Variants in FHIT observed in about 807,000 individuals in gnomAD.
FHIT encodes bis(5'-adenosyl)-triphosphatase.
FHIT carries 19 observed loss-of-function variants against 17.9 expected under a neutral mutation model. The observed-to-expected ratio is 1.06, with a 90% CI of 0.74 to 1.56. FHIT has a LOEUF of 1.56. Ranked by LOEUF, FHIT falls within the 40% of genes most tolerant of loss-of-function variation. The pLI, the probability that FHIT is intolerant of heterozygous loss-of-function variation, is 0.00. For synonymous variants in FHIT, 81 were observed against 69.7 expected, an observed-to-expected ratio of 1.16 and a Z score of -0.81; for missense variants, 248 against 189.2, an observed-to-expected ratio of 1.31 and a Z score of -1.82.
chr3:60,130,851 G>A (rs182621225), intron 5 of FHIT, among the ~76,000 whole-genome samples: 27 of 137,570 alleles, frequency 2.0e-4, no homozygotes, highest in Non-Finnish European at 3.6e-4. Context: ...ACACATACAT[G>A]TGTATACATG....
intron 4 of FHIT, among the ~76,000 whole-genome samples, chr3:60,766,137 A>G (rs1553721384): frequency 2.6e-5 from 4 of 152,206 alleles, no homozygotes; most frequent in African/African-American, 7.2e-5. Flanking sequence ...CCTTATATAT[A>G]TACATACATA....
intron 3 of FHIT, among the ~76,000 whole-genome samples, chr3:61,017,509 T>G (rs1178903481): frequency 6.6e-6 from 1 of 152,154 alleles, no homozygotes; most frequent in Non-Finnish European, 1.5e-5. Flanking sequence ...TTCAGGACAA[T>G]TTTGTTTTTC....
At chr3:61,222,101 A>G (rs1285750545) in intron 1 of FHIT, among the ~76,000 whole-genome samples, 1 of 152,184 alleles carries the variant, frequency 6.6e-6, no homozygotes, top group Non-Finnish European at 1.5e-5. Context: ...TGAACTCTCC[A>G]TCTGGAAGAC....
At chr3:61,115,213 A>G (rs1350495266) in intron 2 of FHIT, among the ~76,000 whole-genome samples, 1 of 152,212 alleles carries the variant, frequency 6.6e-6, no homozygotes, top group Non-Finnish European at 1.5e-5. Flanking sequence ...CATTGTGTAT[A>G]ATCAGTGGAT....
At chr3:60,126,860 T>C (rs1046069646) in intron 5 of FHIT, among the ~76,000 whole-genome samples, 2 of 152,204 alleles carry the variant, frequency 1.3e-5, no homozygotes, top group Non-Finnish European at 2.9e-5. Flanking sequence ...CCTCTTATCA[T>C]ATCTACTCAC....
At chr3:60,712,881 T>C (rs1346832125) in intron 4 of FHIT, among the ~76,000 whole-genome samples, 6 of 144,634 alleles carry the variant, frequency 4.1e-5, no homozygotes, top group East Asian at 2.1e-4. Context: ...GACAGAAAGT[T>C]AACAAGGATA....
chr3:59,846,149 A>G (rs536311599), intron 8 of FHIT, among the ~76,000 whole-genome samples: 4 of 152,022 alleles, frequency 2.6e-5, no homozygotes, highest in Non-Finnish European at 5.9e-5. Context: ...TATATGCCTT[A>G]TAGGTTTATT....
intron 2 of FHIT, among the ~76,000 whole-genome samples, chr3:61,181,981 G>T (rs1434887079): frequency 3.9e-5 from 6 of 152,154 alleles, no homozygotes; most frequent in Non-Finnish European, 1.5e-5. Context: ...ACCAGAATTA[G>T]TCCATGCCAA....
intron 2 of FHIT, among the ~76,000 whole-genome samples, chr3:61,197,756 T>TAAACCGAAGA (rs1357371417): frequency 6.6e-6 from 1 of 151,984 alleles, no homozygotes; most frequent in Non-Finnish European, 1.5e-5. Context: ...TTGCTGGGGG[T>TAAACCGAAGA]AAACCGAAGA....
At chr3:60,418,376 G>A (rs2687183) in intron 5 of FHIT, among the ~76,000 whole-genome samples, 5,576 of 13,714 alleles carry the variant, frequency 0.41, 410 homozygotes, top group Middle Eastern at 0.55. Context: ...CTGAATGTGT[G>A]TATATATATA....
intron 7 of FHIT, among the ~76,000 whole-genome samples, chr3:59,930,017 G>C (rs1705889076): frequency 6.6e-6 from 1 of 152,178 alleles, no homozygotes. Flanking sequence ...GATCAAGTGA[G>C]TTATTATTTC....
At chr3:60,835,426 A>T (rs1553743636) in intron 3 of FHIT, among the ~76,000 whole-genome samples, 1 of 152,226 alleles carries the variant, frequency 6.6e-6, no homozygotes, top group Non-Finnish European at 1.5e-5. Flanking sequence ...TTTTCAACAA[A>T]CAAGTTTTAT....
chr3:60,894,250 A>G (rs1705669621), intron 3 of FHIT, among the ~76,000 whole-genome samples: 1 of 152,224 alleles, frequency 6.6e-6, no homozygotes, highest in Non-Finnish European at 1.5e-5. Flanking sequence ...GTTAACATAC[A>G]TTAGTTCCAA....
chr3:61,047,386 T>C (rs1425938475), intron 2 of FHIT, among the ~76,000 whole-genome samples: 1 of 152,146 alleles, frequency 6.6e-6, no homozygotes, highest in African/African-American at 2.4e-5. Context: ...TCTCAATTGC[T>C]TCAAAGAGAA....
At chr3:60,042,220 T>C (rs947021185) in intron 5 of FHIT, among the ~76,000 whole-genome samples, 34 of 152,250 alleles carry the variant, frequency 2.2e-4, no homozygotes, top group African/African-American at 7.7e-4. Flanking sequence ...CCTCAGTTTC[T>C]GAGCTTGGAA....
chr3:60,908,924 C>T (rs1444763131), intron 3 of FHIT, among the ~76,000 whole-genome samples: 1 of 152,116 alleles, frequency 6.6e-6, no homozygotes, highest in Non-Finnish European at 1.5e-5. Flanking sequence ...AGACAGGACC[C>T]CTGCCCTCAA....
intron 3 of FHIT, among the ~76,000 whole-genome samples, chr3:60,862,256 G>C (rs925154098): frequency 1.3e-5 from 2 of 151,946 alleles, no homozygotes; most frequent in Non-Finnish European, 2.9e-5. Flanking sequence ...ATAGTTCACT[G>C]CAGCCTTGAA....
At chr3:60,367,490 C>A (rs115394090) in intron 5 of FHIT, among the ~76,000 whole-genome samples, 1 of 152,112 alleles carries the variant, frequency 6.6e-6, no homozygotes, top group Admixed American at 6.6e-5. Context: ...TACTCAAAAA[C>A]GAGGAAGTGG....
At chr3:61,194,681 A>T (rs1464034120) in intron 2 of FHIT, among the ~76,000 whole-genome samples, 2 of 152,222 alleles carry the variant, frequency 1.3e-5, no homozygotes, top group Non-Finnish European at 2.9e-5. Context: ...GAATTGCCTT[A>T]TATGTATAGC....
Sources: allele counts gnomAD v4.1 joint callset (sites outside exome capture counted in the v4.1 genomes callset), GRCh38; gene constraint gnomAD v4.1.1; transcripts MANE v1.5; gene names NCBI Gene and HGNC (gene_info 2026-07-23, HGNC 2026-07-21).